FGF13: variants seen among roughly 807,000 people sequenced by gnomAD.
The protein encoded by FGF13 is fibroblast growth factor 13, also known as fibroblast growth factor homologous factor 2.
In FGF13, 2 loss-of-function variants were observed where a neutral mutation model predicts 19.5. That is an observed-to-expected ratio of 0.10 (90% CI 0.04 to 0.32). FGF13 has a LOEUF of 0.32. Among genes scored for constraint, FGF13 ranks in the 10% least tolerant of loss-of-function variants. The pLI is 1.00. For missense variants in FGF13, 113 were observed against 192.7 expected, an observed-to-expected ratio of 0.59 and a Z score of 2.45; for synonymous variants, 72 against 76.9, an observed-to-expected ratio of 0.94 and a Z score of 0.33.
intron 1 of FGF13, among the ~76,000 whole-genome samples, chrX:139,170,851 C>T (rs968530623): frequency 4.5e-5 from 5 of 111,981 alleles, no homozygotes; most frequent in Non-Finnish European, 7.5e-5. Flanking sequence ...AATCTAGCTT[C>T]AACTTATATT....
chrX:138,639,591 C>T (rs748629969), intron 3 of FGF13, among the ~76,000 whole-genome samples: 4 of 112,096 alleles, frequency 3.6e-5, no homozygotes, highest in Admixed American at 2.8e-4. Context: ...AAAATAACAA[C>T]TTTTTAGTTA....
chrX:138,947,885 G>T (rs2091790016), intron 1 of FGF13, among the ~76,000 whole-genome samples: 1 of 110,974 alleles, frequency 9.0e-6, no homozygotes, highest in Non-Finnish European at 1.9e-5. Context: ...TCTCACTCCT[G>T]TCCTTAAAAG....
intron 1 of FGF13, among the ~76,000 whole-genome samples, chrX:139,095,515 GTAGAATAA>G (rs1326681366): frequency 8.9e-6 from 1 of 112,000 alleles, no homozygotes; most frequent in Non-Finnish European, 1.9e-5. Flanking sequence ...AGCTTGGGTA[GTAGAATAA>G]TAGTCTATCA....
chrX:138,719,797 AAC>A (rs2090135000), intron 1 of FGF13, among the ~76,000 whole-genome samples: 1 of 112,794 alleles, frequency 8.9e-6, no homozygotes, highest in African/African-American at 3.2e-5. Flanking sequence ...TCTTCTGACA[AAC>A]AGTTAAAAGT....
At chrX:139,165,036 C>T (rs929471828) in intron 1 of FGF13, among the ~76,000 whole-genome samples, 8 of 111,635 alleles carry the variant, frequency 7.2e-5, no homozygotes, top group Non-Finnish European at 1.3e-4. Context: ...TTAGGGATTA[C>T]TTAAGTGGTT....
chrX:139,124,700 A>G lies in FGF13; in HGVS notation c.-113+78716T>C, dbSNP rs141642541. On this transcript the variant is annotated intron_variant, in intron 1 of 2. Transcript: ENST00000421460. ...CTCATCTGGAAAAGTGGAAATAACAATAAGTTCCCCGTAAGGTTTTTGTGA... is the reference window on the plus strand; with the variant it reads ...CTCATCTGGAAAAGTGGAAATAACAGTAAGTTCCCCGTAAGGTTTTTGTGA... 7.1e-5 allele frequency among the ~76,000 whole-genome samples: 8 copies of G among 112,265 alleles called. No individual in the cohort carries two copies. The East Asian group carries it at 2.3e-3, about 32-fold the overall frequency.
At chrX:139,145,579 G>A (rs1056787720) in intron 1 of FGF13, among the ~76,000 whole-genome samples, 7 of 109,867 alleles carry the variant, frequency 6.4e-5, no homozygotes, top group African/African-American at 2.0e-4. Context: ...CTCCAACTGT[G>A]TGTTACTAAC....
chrX:138,928,254 C>G (rs1216087672), intron 1 of FGF13, among the ~76,000 whole-genome samples: 1 of 109,477 alleles, frequency 9.1e-6, no homozygotes, highest in Non-Finnish European at 1.9e-5. Flanking sequence ...CCAGACTGAG[C>G]AAATATTTTA....
chrX:138,867,129 T>C (rs976712352), intron 1 of FGF13, among the ~76,000 whole-genome samples: 2 of 111,368 alleles, frequency 1.8e-5, no homozygotes, highest in Non-Finnish European at 3.8e-5. Flanking sequence ...CTATTCCCTA[T>C]GTATTAAGTA....
At chrX:139,055,490 G>A (rs2092318153) in intron 1 of FGF13, among the ~76,000 whole-genome samples, 1 of 112,354 alleles carries the variant, frequency 8.9e-6, no homozygotes, top group Non-Finnish European at 1.9e-5. Context: ...CCCATGGAGT[G>A]GAGAGTTTGC....
At chrX:138,697,384 C>T (rs188416978) in intron 3 of FGF13, among the ~76,000 whole-genome samples, 1 of 109,814 alleles carries the variant, frequency 9.1e-6, no homozygotes, top group Non-Finnish European at 1.9e-5. Flanking sequence ...CTGACTGAGC[C>T]GTTGGGATCA....
intron 3 of FGF13, among the ~76,000 whole-genome samples, chrX:138,748,244 TC>T (rs998315150): frequency 2.1e-4 from 24 of 111,718 alleles, no homozygotes; most frequent in African/African-American, 7.2e-4. Flanking sequence ...CTGAATTGCA[TC>T]CCCCAAATGC....
At position 138,645,787 on chromosome X, in the gene FGF13, T is replaced by G. The variant is rs891935906; in HGVS notation, c.403-10132A>C. 6.2e-5 allele frequency among the ~76,000 whole-genome samples: 7 copies of G among 112,294 alleles called. No individual in the cohort carries two copies. The Admixed American group carries it at 6.6e-4, about 11-fold the overall frequency. On this transcript the variant is annotated intron_variant, in intron 3 of 4. Coordinates refer to ENST00000315930, the MANE Select transcript of FGF13 (RefSeq NM_004114.5). ...ATTAATTGTATGTGTGAGAAATGCT[T>G]ACAGTAGTGATTCCTTTTCAAGGAT... is the stretch of plus-strand genomic sequence containing the variant.
At chrX:138,894,457 T>C (rs1249200902) in intron 1 of FGF13, among the ~76,000 whole-genome samples, 1 of 110,234 alleles carries the variant, frequency 9.1e-6, no homozygotes, top group Non-Finnish European at 1.9e-5. Context: ...ATAGATGCAA[T>C]AAAAAATGAT....
At chrX:138,667,119 TTAG>T (rs1220607706) in intron 3 of FGF13, among the ~76,000 whole-genome samples, 1 of 107,785 alleles carries the variant, frequency 9.3e-6, no homozygotes, top group Non-Finnish European at 1.9e-5. Flanking sequence ...ATATCATATA[TTAG>T]GTTATATATG....
intron 3 of FGF13, among the ~76,000 whole-genome samples, chrX:138,795,334 A>G (rs1054077443): frequency 2.7e-5 from 3 of 112,372 alleles, no homozygotes; most frequent in African/African-American, 9.7e-5. Flanking sequence ...AATAAACACA[A>G]TGACACAAAA....
chrX:139,129,262 CAT>C, intron 1 of FGF13, among the ~76,000 whole-genome samples: 1 of 108,245 alleles, frequency 9.2e-6, no homozygotes. Context: ...TTTATAATAT[CAT>C]ATGATATATT....
At chrX:138,832,200 T>C (rs1960661178) in intron 3 of FGF13, among the ~76,000 whole-genome samples, 1 of 112,281 alleles carries the variant, frequency 8.9e-6, no homozygotes, top group African/African-American at 3.2e-5. Flanking sequence ...TTGAGTTGAA[T>C]GGTATTTCTG....
At chrX:138,947,989 G>A (rs967220686) in intron 1 of FGF13, among the ~76,000 whole-genome samples, 1 of 111,524 alleles carries the variant, frequency 9.0e-6, no homozygotes, top group African/African-American at 3.3e-5. Flanking sequence ...GCCAAGGAAA[G>A]GGGCCTCAAA....
Sources: gnomAD v4.1 joint callset for allele counts (sites outside exome capture counted in the v4.1 genomes callset) on GRCh38, gnomAD v4.1.1 for gene constraint, MANE v1.5 for transcripts, NCBI Gene and HGNC (gene_info 2026-07-23, HGNC 2026-07-21) for gene names.